The following CELSR1 variants were observed in gnomAD, a reference collection of about 807,000 sequenced individuals.
CELSR1 encodes the protein cadherin EGF LAG seven-pass G-type receptor 1.
In CELSR1, 110 loss-of-function variants were observed where a neutral mutation model predicts 249.1. The observed-to-expected ratio is 0.44, with a 90% CI of 0.38 to 0.52. The LOEUF (loss-of-function observed/expected upper bound fraction) is 0.52. Ranked by LOEUF, CELSR1 falls within the 20% of genes least tolerant of loss-of-function variation. CELSR1 has a pLI of 0.00. For missense variants in CELSR1, 4,109 were observed against 4,296.4 expected (o/e 0.96, Z 1.22); for synonymous variants, 2,113 against 1,900.0 (o/e 1.11, Z -2.92).
chr22:46,418,310 A>C (rs559368805), intron 5 of CELSR1, among the ~76,000 whole-genome samples: 2 of 152,076 alleles, frequency 1.3e-5, no homozygotes, highest in African/African-American at 2.4e-5. Flanking sequence ...GTGAAACCCC[A>C]TCTCTACTGA....
chr22:46,495,356 G>A (rs1231392837), intron 1 of CELSR1, among the ~76,000 whole-genome samples: 1 of 152,222 alleles, frequency 6.6e-6, no homozygotes, highest in Non-Finnish European at 1.5e-5. Context: ...GGCACAGTGA[G>A]AACATGGTAT....
In CELSR1 at chr22:46,380,139, T is replaced by C. The variant is rs2078961339; in HGVS notation, c.7256+649A>G. On this transcript the variant is annotated intron_variant, in intron 22 of 34. Transcript: ENST00000674500. The surrounding 1 kb of genome is among the most constrained non-coding windows in gnomAD (Gnocchi z 5.1). ...TGCTGAATCCAGTCTCACGTGTGGG[T>C]GAGAATCACTCATTTTGCATTTTTC... Among the ~76,000 whole-genome samples, 2 of 152,216 alleles carry C rather than the reference T, an allele frequency of 1.3e-5. No individual in the cohort carries two copies. The highest frequency in any genetic ancestry group is 4.1e-4 in the South Asian group (2 of 4,834).
intron 5 of CELSR1, among the ~76,000 whole-genome samples, chr22:46,424,952 C>G (rs1470868023): frequency 6.6e-6 from 1 of 152,190 alleles, no homozygotes. Context: ...GCCTGGGATA[C>G]AAGGCAAAAC....
Position 46,407,062 on chromosome 22 carries a change from G to A in CELSR1, c.5226+1934C>T, listed in dbSNP as rs2079275099. On this transcript the variant is annotated intron_variant, in intron 9 of 34. Transcript: ENST00000674500. The surrounding 1 kb of genome is among the most constrained non-coding windows in gnomAD (Gnocchi z 4.8). Reference sequence around the variant, plus strand: ...AGTGTTCCCGTGTGGCCGACCCCAAGGCAGGAGAGGAGGCTAACCTAAGGG... The same window carrying A: ...AGTGTTCCCGTGTGGCCGACCCCAAAGCAGGAGAGGAGGCTAACCTAAGGG... Among the ~76,000 whole-genome samples, 3 of 152,222 alleles carry A rather than the reference G, an allele frequency of 2.0e-5. No homozygotes were observed. In the South Asian group the frequency reaches 6.2e-4, roughly 32 times the overall value.
rs1197448305 is a variant in CELSR1 at position 46,361,819 on chromosome 22, T to C, written c.*1404A>G. The C allele has an allele frequency of 6.6e-6, 1 of 152,274 alleles. No individual in the cohort carries two copies. The highest frequency in any genetic ancestry group is 1.5e-5 in the Non-Finnish European group (1 of 68,052). The allele number at this position is 152,274 out of a possible 1,614,324, so 9.4% of individuals were successfully genotyped here. A position where few individuals can be genotyped will look rare whatever the true frequency, so the allele number is the denominator to read the frequency against. ...GCTGATCACTTATTTGGGCACCTGA[T>C]TTGAAGAACAAAGGAAACGCTAAAA... On this transcript the variant is annotated 3_prime_UTR_variant, in exon 35 of 35. Transcript: ENST00000674500.
In CELSR1 at chr22:46,506,908, G is replaced by T. The variant is rs1168559113; in HGVS notation, c.3544+26719C>A. On this transcript the variant is annotated intron_variant, in intron 1 of 34. Coordinates refer to ENST00000674500, the MANE Select transcript of CELSR1 (RefSeq NM_001378328.1). The surrounding 1 kb of genome is among the most constrained non-coding windows in gnomAD (Gnocchi z 4.1). ...TCCTTTTTTCCAACACATAAAAACC[G>T]ATTCCAGGCGGGGCGTGGTGGCTCA... 6.6e-6 allele frequency among the ~76,000 whole-genome samples: 1 copy of T among 152,104 alleles called. No homozygotes were observed. The highest frequency in any genetic ancestry group is 2.1e-4 in the South Asian group (1 of 4,818).
rs1422728738 is a variant in CELSR1 at position 46,471,978 on chromosome 22, T to G, written c.3545-7633A>C. 6.6e-6 allele frequency among the ~76,000 whole-genome samples: 1 copy of G among 152,016 alleles called. No homozygotes were observed. The highest frequency in any genetic ancestry group is 1.5e-5 in the Non-Finnish European group (1 of 67,984). ...TGTGTGAGTACAGGTCAGTTCACAG[T>G]TTGGGGTCTGCTTGATTCCGGGAGG... On this transcript the variant is annotated intron_variant, in intron 1 of 34. Transcript: ENST00000674500. This position sits in a 1 kb window ranked among gnomAD's most constrained non-coding sequence, Gnocchi z 4.9.
In CELSR1 at chr22:46,437,629, TA is replaced by T. The variant is rs2079679370; in HGVS notation, c.4407-1341del. On this transcript the variant is annotated intron_variant, in intron 3 of 34. Transcript: ENST00000674500. This position sits in a 1 kb window ranked among gnomAD's most constrained non-coding sequence, Gnocchi z 4.9. ...AGCCGGGCATGGTGGTGGGCACCTG[TA>T]ATCCCAGCTACTCAAGAGGTTGAGG... is the stretch of plus-strand genomic sequence containing the variant. 6.6e-6 allele frequency among the ~76,000 whole-genome samples: 1 copy of T among 151,784 alleles called. No homozygotes were observed. The highest frequency in any genetic ancestry group is 1.5e-5 in the Non-Finnish European group (1 of 67,996).
chr22:46,376,769 C>T (rs6007893), intron 24 of CELSR1, among the ~76,000 whole-genome samples: 32,789 of 150,280 alleles, frequency 0.22, 5,071 homozygotes, highest in African/African-American at 0.44. Context: ...ATTGTGCCAT[C>T]TCACTCCAGC....
At chr22:46,439,944 C>T (rs2079723798) in intron 2 of CELSR1, among the ~76,000 whole-genome samples, 2 of 152,034 alleles carry the variant, frequency 1.3e-5, no homozygotes, top group Non-Finnish European at 2.9e-5. Context: ...ACCCCTCACA[C>T]AGACCCCTCG....
At chr22:46,465,713 A>G (rs1022316011) in intron 1 of CELSR1, among the ~76,000 whole-genome samples, 81 of 152,258 alleles carry the variant, frequency 5.3e-4, no homozygotes, top group Admixed American at 7.2e-4. Flanking sequence ...TGTCTAAACA[A>G]CAAAGAAATG....
At position 46,430,349 on chromosome 22, in the gene CELSR1, T is replaced by C. The variant is rs545114689; in HGVS notation, c.4611+3044A>G. 5.9e-5 allele frequency among the ~76,000 whole-genome samples: 9 copies of C among 152,082 alleles called. No homozygotes were observed. The highest frequency in any genetic ancestry group is 1.9e-4 in the African/African-American group (8 of 41,480). On this transcript the variant is annotated intron_variant, in intron 5 of 34. Coordinates refer to ENST00000674500, the MANE Select transcript of CELSR1 (RefSeq NM_001378328.1). The surrounding 1 kb of genome is among the most constrained non-coding windows in gnomAD (Gnocchi z 4.6). ...CCAGCGAGGTGGTGTGGCAGGTAAA[T>C]GGAGCGTGCTGGGGCAAGGACACAG...
chr22:46,465,141 G>A lies in CELSR1; in HGVS notation c.3545-796C>T, dbSNP rs1283881164. 2.0e-5 allele frequency among the ~76,000 whole-genome samples: 3 copies of A among 152,222 alleles called. No homozygotes were observed. The Middle Eastern group carries it at 0.01, about 518-fold the overall frequency. On this transcript the variant is annotated intron_variant, in intron 1 of 34. Transcript: ENST00000674500. ...ATTGGATGAGACGTTCAGGGGGTGG[G>A]TCATGGGTACCAGTGGCTCCCAGGG...
chr22:46,533,913 C>G lies in CELSR1; in HGVS notation c.3258G>C (p.Thr1086=). The G allele has an allele frequency of 1.9e-6, 3 of 1,613,136 alleles. No individual in the cohort carries two copies. The highest frequency in any genetic ancestry group is 1.7e-6 in the Non-Finnish European group (2 of 1,180,014). The change falls in exon 1 of 35, where the codon ACG becomes ACC. Residue 1086 remains threonine, a synonymous_variant. Coordinates refer to ENST00000674500, the MANE Select transcript of CELSR1 (RefSeq NM_001378328.1). ...ATSAPLVSRA[T]VHILLVDQND... Reference sequence around the variant, plus strand: ...TCTGGTCCACGAGAAGGATGTGCACCGTGGCTCGGCTCACCAGCGGAGCCG... The same window carrying G: ...TCTGGTCCACGAGAAGGATGTGCACGGTGGCTCGGCTCACCAGCGGAGCCG...
chr22:46,525,643 G>A (rs1156349939), intron 1 of CELSR1, among the ~76,000 whole-genome samples: 1 of 152,232 alleles, frequency 6.6e-6, no homozygotes, highest in African/African-American at 2.4e-5. Flanking sequence ...TCTACATGCT[G>A]CACCCAGAAG....
chr22:46,446,153 G>A lies in CELSR1; in HGVS notation c.4184-6742C>T, dbSNP rs959853085. ...AGCCCCCTCCACACCATACTCACGA[G>A]CCTGTGCCGGCCCCACTGTCTCCCT... On this transcript the variant is annotated intron_variant, in intron 2 of 34. Transcript: ENST00000674500. This position sits in a 1 kb window ranked among gnomAD's most constrained non-coding sequence, Gnocchi z 5.5. Among the ~76,000 whole-genome samples the A allele has an allele frequency of 2.0e-5, 3 of 152,064 alleles. No homozygotes were observed. The highest frequency in any genetic ancestry group is 6.5e-5 in the Admixed American group (1 of 15,276).
Position 46,401,115 on chromosome 22 carries a change from C to T in CELSR1, c.5227-1213G>A, listed in dbSNP as rs187299723. 5.3e-5 allele frequency among the ~76,000 whole-genome samples: 8 copies of T among 152,176 alleles called. No individual in the cohort carries two copies. Among genetic ancestry groups the T allele is most frequent in the African/African-American group, 1.9e-4 (8 of 41,506 alleles). On this transcript the variant is annotated intron_variant, in intron 9 of 34. Coordinates refer to ENST00000674500, the MANE Select transcript of CELSR1 (RefSeq NM_001378328.1). The surrounding 1 kb of genome is among the most constrained non-coding windows in gnomAD (Gnocchi z 4.7). ...CCCATTAGGCTTTTAAGTACTGGGA[C>T]CCAGCTCGATTCAGGTAACTACTGG... is the stretch of plus-strand genomic sequence containing the variant.
rs1465009075 is a variant in CELSR1 at position 46,395,754 on chromosome 22, T to A, written c.5843+851A>T. ...CTGAGGACAATGAGCCACAGGGGCA[T>A]CACCTCCACGGCGGCCTGGAACCTT... On this transcript the variant is annotated intron_variant, in intron 13 of 34. Coordinates refer to ENST00000674500, the MANE Select transcript of CELSR1 (RefSeq NM_001378328.1). The surrounding 1 kb of genome is among the most constrained non-coding windows in gnomAD (Gnocchi z 5.5). 6.6e-6 allele frequency among the ~76,000 whole-genome samples: 1 copy of A among 152,068 alleles called. No individual in the cohort carries two copies. Among genetic ancestry groups the A allele is most frequent in the South Asian group, 2.1e-4 (1 of 4,820 alleles).
chr22:46,370,191 C>G (rs1299963245), intron 25 of CELSR1: 5 of 460,140 alleles, frequency 1.1e-5, no homozygotes, highest in Non-Finnish European at 2.2e-5. Context: ...ATGATGGACC[C>G]AAGGTGCAAG....
Sources: gnomAD v4.1 joint callset for allele counts (sites outside exome capture counted in the v4.1 genomes callset) on GRCh38, gnomAD v4.1.1 for gene constraint, Gnocchi (gnomAD v3.1) non-coding constraint, MANE v1.5 for transcripts, NCBI Gene and HGNC (gene_info 2026-07-23, HGNC 2026-07-21) for gene names.